PDE7B: variants seen among roughly 807,000 people sequenced by gnomAD.
PDE7B encodes the protein phosphodiesterase 7B, also known as 3',5'-cyclic-AMP phosphodiesterase 7B.
Under a neutral mutation model 56.2 loss-of-function variants are expected in PDE7B, and 29 were observed. That is an observed-to-expected ratio of 0.52 (90% CI 0.38 to 0.70). The LOEUF is 0.70. Among genes scored for constraint, PDE7B ranks in the 30% least tolerant of loss-of-function variants. The probability of loss-of-function intolerance (pLI) is 0.00; values close to 1 mark genes in which losing one functional copy is unlikely to be tolerated. For synonymous variants in PDE7B, 197 were observed against 196.9 expected, an observed-to-expected ratio of 1.00 and a Z score of 0.00; for missense variants, 490 against 565.0, an observed-to-expected ratio of 0.87 and a Z score of 1.35.
chr6:136,189,079 A>C (rs1779182980), intron 12 of PDE7B, among the ~76,000 whole-genome samples: 1 of 152,052 alleles, frequency 6.6e-6, no homozygotes, highest in Non-Finnish European at 1.5e-5. Flanking sequence ...CTCTGTCCTT[A>C]TTCCTCTCTG....
intron 8 of PDE7B, among the ~76,000 whole-genome samples, chr6:136,160,284 G>C (rs1166398810): frequency 1.3e-5 from 2 of 152,124 alleles, no homozygotes; most frequent in African/African-American, 4.8e-5. Context: ...GAACCGGTTA[G>C]GGTTTCAAAG....
chr6:136,115,945 A>G (rs1777823501), intron 3 of PDE7B, among the ~76,000 whole-genome samples: 3 of 152,224 alleles, frequency 2.0e-5, no homozygotes, highest in Admixed American at 1.3e-4. Flanking sequence ...GCTATATGCT[A>G]TATCTGGGCA....
At chr6:135,916,441 G>A (rs539373728) in intron 1 of PDE7B, among the ~76,000 whole-genome samples, 6 of 124,794 alleles carry the variant, frequency 4.8e-5, no homozygotes, top group East Asian at 2.6e-4. Context: ...TGCCCAGGTC[G>A]CAGTGCAATG....
intron 2 of PDE7B, among the ~76,000 whole-genome samples, chr6:136,096,646 TTAA>T (rs1032416607): frequency 1.3e-5 from 2 of 151,856 alleles, no homozygotes; most frequent in African/African-American, 2.4e-5. Context: ...TATTTTATTA[TTAA>T]TAATATTTTT....
chr6:136,098,776 CTTT>C (rs576368817), intron 2 of PDE7B, among the ~76,000 whole-genome samples: 1 of 139,070 alleles, frequency 7.2e-6, no homozygotes, highest in Non-Finnish European at 1.5e-5. Flanking sequence ...ACCTACTTTT[CTTT>C]TTTTTTTTTA....
At chr6:135,919,217 G>T (rs561089021) in intron 1 of PDE7B, among the ~76,000 whole-genome samples, 2 of 152,080 alleles carry the variant, frequency 1.3e-5, no homozygotes, top group Admixed American at 6.5e-5. Context: ...GCTACCGAAC[G>T]CCTCCTTTTT....
intron 2 of PDE7B, chr6:135,993,047 C>T (rs983152423): frequency 6.6e-6 from 1 of 152,212 alleles, no homozygotes; most frequent in Non-Finnish European, 1.5e-5. Context: ...TCATCACGCC[C>T]AGTTGTTACC....
chr6:135,909,185 T>C (rs1307263494), intron 1 of PDE7B, among the ~76,000 whole-genome samples: 2 of 152,110 alleles, frequency 1.3e-5, no homozygotes, highest in Non-Finnish European at 2.9e-5. Context: ...AAAAAAAAAT[T>C]CGGAGTGGTC....
At position 135,969,805 on chromosome 6, in the gene PDE7B, G is replaced by A. The variant is rs144996342; in HGVS notation, c.82+22281G>A. Among the ~76,000 whole-genome samples the A allele has an allele frequency of 7.4e-3, 1,130 of 152,244 alleles. 6 individuals are homozygous for A. Among genetic ancestry groups the A allele is most frequent in the Middle Eastern group, 0.017 (5 of 294 alleles). On this transcript the variant is annotated intron_variant, in intron 2 of 12. Coordinates refer to ENST00000308191, the MANE Select transcript of PDE7B (RefSeq NM_018945.4). ...CACAGCAAAAGAAACTATCATCAGC[G>A]TCTGAGTCATTTTTAATGTACTGTA...
At chr6:135,893,262 C>A (rs1222906641) in intron 1 of PDE7B, among the ~76,000 whole-genome samples, 5 of 134,690 alleles carry the variant, frequency 3.7e-5, no homozygotes, top group South Asian at 2.4e-4. Context: ...TGTTCCCCTT[C>A]CTGTGTCCAT....
At chr6:136,081,175 C>T (rs1301539713) in intron 2 of PDE7B, among the ~76,000 whole-genome samples, 1 of 152,042 alleles carries the variant, frequency 6.6e-6, no homozygotes, top group Non-Finnish European at 1.5e-5. Context: ...GGGAGAGGGT[C>T]ATCATTTCAG....
At chr6:136,074,091 G>A (rs1777091937) in intron 2 of PDE7B, among the ~76,000 whole-genome samples, 1 of 152,032 alleles carries the variant, frequency 6.6e-6, no homozygotes, top group Non-Finnish European at 1.5e-5. Context: ...GGGCACGGTG[G>A]CACACACCTG....
chr6:136,171,036 A>G (rs1230012844), intron 8 of PDE7B, among the ~76,000 whole-genome samples: 1 of 152,220 alleles, frequency 6.6e-6, no homozygotes, highest in Non-Finnish European at 1.5e-5. Flanking sequence ...TGGAGACTGA[A>G]TAAACAAAAT....
At chr6:136,171,676 G>GTGC (rs1387565793) in intron 8 of PDE7B, among the ~76,000 whole-genome samples, 24 of 151,752 alleles carry the variant, frequency 1.6e-4, no homozygotes, top group African/African-American at 5.3e-4. Flanking sequence ...TAGGGTACAT[G>GTGC]TGCACAATGT....
At chr6:136,019,382 GA>G (rs369059408) in intron 2 of PDE7B, among the ~76,000 whole-genome samples, 1,738 of 148,794 alleles carry the variant, frequency 0.012, 40 homozygotes, top group African/African-American at 0.04. Flanking sequence ...TAGTACAGCT[GA>G]AAAAAAAAGA....
intron 2 of PDE7B, among the ~76,000 whole-genome samples, chr6:135,965,264 G>C (rs1391932283): frequency 1.3e-5 from 2 of 152,184 alleles, no homozygotes; most frequent in African/African-American, 4.8e-5. Flanking sequence ...GCGGAGGTGA[G>C]GGTGCTGATT....
chr6:136,047,106 C>A (rs183767541), intron 2 of PDE7B, among the ~76,000 whole-genome samples: 5 of 152,166 alleles, frequency 3.3e-5, no homozygotes, highest in South Asian at 2.1e-4. Context: ...TTGAGCATTG[C>A]GTATTCAACA....
intron 3 of PDE7B, among the ~76,000 whole-genome samples, chr6:136,132,460 GC>G (rs896541418): frequency 4.5e-4 from 69 of 152,176 alleles, no homozygotes; most frequent in African/African-American, 1.6e-3. Context: ...TTCCATCCCT[GC>G]TCTGTTACTT....
chr6:136,003,628 T>A lies in PDE7B; in HGVS notation c.82+56104T>A, dbSNP rs545674943. Among the ~76,000 whole-genome samples, 453 of 152,280 alleles carry A rather than the reference T, an allele frequency of 3.0e-3. 2 individuals carry two copies. Among genetic ancestry groups the A allele is most frequent in the African/African-American group, 0.01 (424 of 41,554 alleles). On this transcript the variant is annotated intron_variant, in intron 2 of 12. Coordinates refer to ENST00000308191, the MANE Select transcript of PDE7B (RefSeq NM_018945.4). ...AGAAATGGATAAATTCCTGGACACA[T>A]ACACCCTCCCAAGACTAAACCAGGA... is the stretch of plus-strand genomic sequence containing the variant.
Sources: gnomAD v4.1 joint callset for allele counts (sites outside exome capture counted in the v4.1 genomes callset) on GRCh38, gnomAD v4.1.1 for gene constraint, MANE v1.5 for transcripts, NCBI Gene and HGNC (gene_info 2026-07-23, HGNC 2026-07-21) for gene names.